The following MDGA2 variants were observed in gnomAD, a reference collection of about 807,000 sequenced individuals.
The protein encoded by MDGA2 is MAM domain-containing glycosylphosphatidylinositol anchor protein 2.
In MDGA2, 40 loss-of-function variants were observed where a neutral mutation model predicts 117.8. That is an observed-to-expected ratio of 0.34 (90% CI 0.26 to 0.44). MDGA2 has a LOEUF of 0.44. Ranked by LOEUF, MDGA2 falls within the 20% of genes least tolerant of loss-of-function variation. The probability of loss-of-function intolerance (pLI) is 1.00; values close to 1 mark genes in which losing one functional copy is unlikely to be tolerated. For synonymous variants in MDGA2, 452 were observed against 439.0 expected, an observed-to-expected ratio of 1.03 and a Z score of -0.37; for missense variants, 1,123 against 1,250.6, an observed-to-expected ratio of 0.90 and a Z score of 1.54.
chr14:47,379,446 C>T (rs908407027), intron 1 of MDGA2, among the ~76,000 whole-genome samples: 8 of 152,034 alleles, frequency 5.3e-5, no homozygotes, highest in Admixed American at 4.6e-4. Context: ...GAGTGAAGAC[C>T]CATCAGTGTG....
intron 7 of MDGA2, among the ~76,000 whole-genome samples, chr14:47,052,859 C>G (rs1889505906): frequency 6.6e-6 from 1 of 151,832 alleles, no homozygotes; most frequent in Admixed American, 6.6e-5. Context: ...GACCTCTTAT[C>G]TTGACCTTCC....
Position 47,264,462 on chromosome 14 carries a change from A to T in MDGA2, c.420+36949T>A, listed in dbSNP as rs539056949. On this transcript the variant is annotated intron_variant, in intron 2 of 16. Coordinates refer to ENST00000399232, the MANE Select transcript of MDGA2 (RefSeq NM_001113498.3). ...CATTACTCAAAAAGGATACCTTTAA[A>T]AAAGACAGAGTGAATTGGACATCGA... 2.2e-4 allele frequency among the ~76,000 whole-genome samples: 33 copies of T among 152,302 alleles called. No homozygotes were observed. In the South Asian group the frequency reaches 6.4e-3, roughly 30 times the overall value.
chr14:47,559,280 C>A lies in MDGA2; in HGVS notation c.280+115237G>T, dbSNP rs532984973. ...AGTAGGTCCCAGTAGTCTGTTGTTC[C>A]CTTCTTTGTGTCCATATATACTTGA... is the stretch of plus-strand genomic sequence containing the variant. On this transcript the variant is annotated intron_variant, in intron 1 of 16. Coordinates refer to ENST00000399232, the MANE Select transcript of MDGA2 (RefSeq NM_001113498.3). 5.5e-4 allele frequency among the ~76,000 whole-genome samples: 83 copies of A among 152,210 alleles called. 1 individual carries two copies. The South Asian group carries it at 6.8e-3, about 13-fold the overall frequency.
intron 1 of MDGA2, among the ~76,000 whole-genome samples, chr14:47,313,694 T>C (rs1889715839): frequency 6.6e-6 from 1 of 152,196 alleles, no homozygotes; most frequent in Non-Finnish European, 1.5e-5. Context: ...AATTTGTTTT[T>C]GCCTGAGATA....
chr14:47,039,848 G>A (rs1466136237), intron 7 of MDGA2, among the ~76,000 whole-genome samples: 6 of 152,002 alleles, frequency 3.9e-5, no homozygotes, highest in Non-Finnish European at 8.8e-5. Flanking sequence ...TTACTGTTCA[G>A]TATAAACAGT....
chr14:47,503,656 G>A (rs1206295883), intron 1 of MDGA2, among the ~76,000 whole-genome samples: 2 of 151,838 alleles, frequency 1.3e-5, no homozygotes, highest in Non-Finnish European at 2.9e-5. Context: ...TGCCCGCCTC[G>A]GCCTCCCAAA....
chr14:47,477,311 G>T (rs1893864737), intron 1 of MDGA2, among the ~76,000 whole-genome samples: 1 of 151,922 alleles, frequency 6.6e-6, no homozygotes, highest in Admixed American at 6.6e-5. Flanking sequence ...ATTTGTAAGA[G>T]CTTTAAGATT....
intron 8 of MDGA2, among the ~76,000 whole-genome samples, chr14:46,960,969 CAT>C (rs568143810): frequency 1.2e-4 from 17 of 145,144 alleles, no homozygotes; most frequent in Non-Finnish European, 1.7e-4. Context: ...CACACACACA[CAT>C]AAAACATTAA....
chr14:46,844,307 C>A (rs1880731480), intron 16 of MDGA2, among the ~76,000 whole-genome samples: 1 of 152,152 alleles, frequency 6.6e-6, no homozygotes, highest in Admixed American at 6.5e-5. Context: ...AGGCCAGGCA[C>A]AGTGGCTCAC....
At chr14:47,159,852 C>G (rs1039544027) in intron 3 of MDGA2, among the ~76,000 whole-genome samples, 2 of 152,004 alleles carry the variant, frequency 1.3e-5, no homozygotes, top group African/African-American at 2.4e-5. Flanking sequence ...TATGGAGAAT[C>G]TTTTGGTTAT....
chr14:46,942,711 T>A (rs187721330), intron 9 of MDGA2, among the ~76,000 whole-genome samples: 1 of 152,152 alleles, frequency 6.6e-6, no homozygotes, highest in Non-Finnish European at 1.5e-5. Flanking sequence ...TTGAAATCCA[T>A]CCACTTGCAT....
intron 3 of MDGA2, among the ~76,000 whole-genome samples, chr14:47,154,987 G>C (rs976080870): frequency 1.3e-5 from 2 of 152,190 alleles, no homozygotes; most frequent in East Asian, 1.9e-4. Context: ...TCCTCCCCTC[G>C]GAAGCCGATT....
chr14:47,038,384 T>G (rs1212888713), intron 7 of MDGA2, among the ~76,000 whole-genome samples: 1 of 152,190 alleles, frequency 6.6e-6, no homozygotes, highest in East Asian at 1.9e-4. Flanking sequence ...TTTAAACAAC[T>G]TATTACATTA....
intron 7 of MDGA2, among the ~76,000 whole-genome samples, chr14:47,049,502 ATTG>A (rs1446606774): frequency 3.3e-5 from 5 of 151,916 alleles, no homozygotes; most frequent in Non-Finnish European, 7.4e-5. Flanking sequence ...TATAATTTTT[ATTG>A]TTGTATTTTT....
intron 8 of MDGA2, among the ~76,000 whole-genome samples, chr14:47,024,905 C>T (rs900842848): frequency 6.6e-6 from 1 of 152,036 alleles, no homozygotes; most frequent in African/African-American, 2.4e-5. Context: ...GAGAAAGGAA[C>T]TCACAAGGTA....
At chr14:46,885,225 A>G (rs1244450717) in intron 10 of MDGA2, among the ~76,000 whole-genome samples, 2 of 152,132 alleles carry the variant, frequency 1.3e-5, no homozygotes, top group African/African-American at 4.8e-5. Context: ...ACCAAATTTA[A>G]AATTAATTAA....
chr14:47,433,935 T>C (rs1015868985), intron 1 of MDGA2, among the ~76,000 whole-genome samples: 1 of 152,160 alleles, frequency 6.6e-6, no homozygotes, highest in Admixed American at 6.5e-5. Flanking sequence ...GAAAATTTAA[T>C]CATGTGGTGG....
At chr14:46,977,960 G>C (rs1418305772) in intron 8 of MDGA2, among the ~76,000 whole-genome samples, 5 of 151,934 alleles carry the variant, frequency 3.3e-5, no homozygotes, top group Non-Finnish European at 7.4e-5. Context: ...CCAAAAATGA[G>C]AGTGAGTAGA....
At chr14:47,072,467 C>A (rs889906540) in intron 6 of MDGA2, among the ~76,000 whole-genome samples, 2 of 152,158 alleles carry the variant, frequency 1.3e-5, no homozygotes, top group Admixed American at 1.3e-4. Context: ...GATCTAAATT[C>A]ATTCTTAAGG....
Sources: allele counts gnomAD v4.1 joint callset (sites outside exome capture counted in the v4.1 genomes callset), GRCh38; gene constraint gnomAD v4.1.1; transcripts MANE v1.5; gene names NCBI Gene and HGNC (gene_info 2026-07-23, HGNC 2026-07-21).